ARHGEF4: variants seen among roughly 807,000 people sequenced by gnomAD.
ARHGEF4 encodes the protein APC-stimulated guanine nucleotide exchange factor 1.
Under a neutral mutation model 162.0 loss-of-function variants are expected in ARHGEF4, and 119 were observed. The ratio of observed to expected loss-of-function variants is 0.73; its 90% CI spans 0.63 to 0.86. ARHGEF4 has a LOEUF of 0.86. Among genes scored for constraint, ARHGEF4 ranks in the 40% least tolerant of loss-of-function variants. The probability of loss-of-function intolerance (pLI) is 0.00; values close to 1 mark genes in which losing one functional copy is unlikely to be tolerated. For missense variants in ARHGEF4, 2,488 were observed against 2,456.0 expected (o/e 1.01, Z -0.28); for synonymous variants, 1,014 against 979.9 (o/e 1.03, Z -0.65).
At chr2:130,988,806 A>G (rs1686693457) in intron 4 of ARHGEF4, among the ~76,000 whole-genome samples, 1 of 145,768 alleles carries the variant, frequency 6.9e-6, no homozygotes, top group East Asian at 2.1e-4. Flanking sequence ...ATTTTCTAGT[A>G]TTTTAAGCCA....
At chr2:130,845,763 C>T (rs1680914033) in intron 1 of ARHGEF4, among the ~76,000 whole-genome samples, 1 of 152,196 alleles carries the variant, frequency 6.6e-6, no homozygotes, top group African/African-American at 2.4e-5. Flanking sequence ...GGCACATCCA[C>T]AGAGCAGCAC....
chr2:130,987,042 T>C (rs367647711), intron 4 of ARHGEF4, among the ~76,000 whole-genome samples: 41 of 152,208 alleles, frequency 2.7e-4, no homozygotes, highest in African/African-American at 9.9e-4. Context: ...CAGCAGCCTC[T>C]TGAGTGCTGG....
chr2:130,912,855 C>T (rs1681273821), intron 1 of ARHGEF4, among the ~76,000 whole-genome samples: 3 of 152,154 alleles, frequency 2.0e-5, no homozygotes, highest in South Asian at 4.1e-4. Flanking sequence ...TACCTGAGGT[C>T]TACTGCAGTC....
intron 1 of ARHGEF4, among the ~76,000 whole-genome samples, chr2:130,913,766 G>A (rs1681332409): frequency 6.6e-6 from 1 of 152,182 alleles, no homozygotes; most frequent in South Asian, 2.1e-4. Context: ...TTTTAAGGAT[G>A]TGCTGCCTTT....
At chr2:130,985,409 A>G (rs988439715) in intron 4 of ARHGEF4, among the ~76,000 whole-genome samples, 3 of 152,142 alleles carry the variant, frequency 2.0e-5, no homozygotes, top group African/African-American at 7.2e-5. Context: ...AAGTATTGCT[A>G]CAGAAAAAGG....
intron 4 of ARHGEF4, among the ~76,000 whole-genome samples, chr2:130,955,908 G>T (rs1394454477): frequency 6.6e-6 from 1 of 152,194 alleles, no homozygotes; most frequent in African/African-American, 2.4e-5. Flanking sequence ...CCTTTAGGTT[G>T]CAGCTTCTCC....
At chr2:130,850,308 C>G (rs1558999699) in intron 1 of ARHGEF4, among the ~76,000 whole-genome samples, 1 of 152,204 alleles carries the variant, frequency 6.6e-6, no homozygotes, top group South Asian at 2.1e-4. Context: ...TGGTACCCCT[C>G]ATATGGAGAG....
chr2:130,891,130 A>C (rs1679839816), intron 1 of ARHGEF4, among the ~76,000 whole-genome samples: 1 of 152,150 alleles, frequency 6.6e-6, no homozygotes, highest in Admixed American at 6.5e-5. Context: ...TATGGAACTA[A>C]GATTTAAGTC....
Position 130,916,596 on chromosome 2 carries a change from G to A in ARHGEF4, c.2650G>A (p.Gly884Ser), listed in dbSNP as rs1259210871. 3.9e-6 allele frequency: 6 copies of A among 1,550,542 alleles called. No individual in the cohort carries two copies. The highest frequency in any genetic ancestry group is 8.7e-7 in the Non-Finnish European group (1 of 1,146,964). ...AGHTGTSGDL[G>S]SRGPSSESCN... ...GCACACGGGGACCTCAGGGGATCTTGGTAGCCGAGGGCCTTCCTCTGAGAG... is the reference window on the plus strand; with the variant it reads ...GCACACGGGGACCTCAGGGGATCTTAGTAGCCGAGGGCCTTCCTCTGAGAG... The change falls in exon 2 of 14, where the codon GGT becomes AGT. Residue 884 changes from glycine (G) to serine (S), a missense_variant. Physicochemically the swap from Gly to Ser is moderately conservative, Grantham distance 56 (BLOSUM62 0). Coordinates refer to ENST00000409359, the MANE Select transcript of ARHGEF4 (RefSeq NM_001367493.1).
At chr2:130,882,849 C>A (rs564929023) in intron 1 of ARHGEF4, among the ~76,000 whole-genome samples, 2 of 152,122 alleles carry the variant, frequency 1.3e-5, no homozygotes, top group South Asian at 2.1e-4. Flanking sequence ...CCTCCCCATC[C>A]ACAATGGGCT....
chr2:130,998,750 TCAGTAATGAATAAAGCTGCTATAAA>T (rs1687565904), intron 4 of ARHGEF4, among the ~76,000 whole-genome samples: 1 of 152,252 alleles, frequency 6.6e-6, no homozygotes, highest in Admixed American at 6.5e-5. Flanking sequence ...TTCAAGTTTG[TCAGTAATGAATAAAGCTGCTATAAA>T]CATTTGTGTA....
intron 1 of ARHGEF4, among the ~76,000 whole-genome samples, chr2:130,909,765 C>T (rs1217114922): frequency 6.6e-6 from 1 of 152,112 alleles, no homozygotes; most frequent in Non-Finnish European, 1.5e-5. Context: ...GGCGGGGTGG[C>T]AGCCAGACCC....
At chr2:130,996,103 T>C (rs1028450972) in intron 4 of ARHGEF4, among the ~76,000 whole-genome samples, 5 of 152,110 alleles carry the variant, frequency 3.3e-5, no homozygotes, top group Non-Finnish European at 4.4e-5. Flanking sequence ...TTGGTTAGGC[T>C]GGTCTCGAAC....
intron 4 of ARHGEF4, among the ~76,000 whole-genome samples, chr2:131,012,220 G>T (rs759299569): frequency 6.6e-6 from 1 of 152,100 alleles, no homozygotes; most frequent in Non-Finnish European, 1.5e-5. Context: ...GGCAGGAGAG[G>T]TGTGGAGAGG....
intron 4 of ARHGEF4, among the ~76,000 whole-genome samples, chr2:131,003,138 G>A (rs939841396): frequency 6.6e-6 from 1 of 152,032 alleles, no homozygotes; most frequent in Non-Finnish European, 1.5e-5. Flanking sequence ...TGGGGCATTC[G>A]CTGTTCTACC....
intron 4 of ARHGEF4, among the ~76,000 whole-genome samples, chr2:130,969,492 G>T (rs984693148): frequency 1.3e-5 from 2 of 151,916 alleles, no homozygotes; most frequent in African/African-American, 4.8e-5. Flanking sequence ...CCAGCTACTC[G>T]GGAGGCTGAG....
chr2:130,949,422 C>T (rs1404383766), intron 4 of ARHGEF4, among the ~76,000 whole-genome samples: 4 of 151,910 alleles, frequency 2.6e-5, no homozygotes, highest in African/African-American at 7.3e-5. Context: ...GGTGCGATCT[C>T]GGCTCACTGC....
chr2:130,946,985 C>T (rs1312720134), intron 4 of ARHGEF4: 2 of 206,640 alleles, frequency 9.7e-6, no homozygotes, highest in East Asian at 2.2e-4. Flanking sequence ...AATCCCAGCA[C>T]TTTGGGAGGC....
chr2:130,954,367 C>T (rs974378470), intron 4 of ARHGEF4, among the ~76,000 whole-genome samples: 1 of 152,150 alleles, frequency 6.6e-6, no homozygotes, highest in South Asian at 2.1e-4. Context: ...AACACTTGGA[C>T]ACAGGGCGGG....
Sources: allele counts gnomAD v4.1 joint callset (sites outside exome capture counted in the v4.1 genomes callset), GRCh38; gene constraint gnomAD v4.1.1; transcripts MANE v1.5; gene names NCBI Gene and HGNC (gene_info 2026-07-23, HGNC 2026-07-21).